Variants in TMEM143 observed in about 807,000 individuals in gnomAD.
TMEM143 encodes transmembrane protein 143.
In TMEM143, 45 loss-of-function variants were observed where a neutral mutation model predicts 40.3. The ratio of observed to expected loss-of-function variants is 1.12; its 90% CI spans 0.88 to 1.43. The LOEUF (loss-of-function observed/expected upper bound fraction) is 1.43, where lower values mean the gene tolerates loss of function less well. Among genes scored for constraint, TMEM143 ranks in the 40% most tolerant of loss-of-function variants. TMEM143 has a pLI of 0.00. For missense variants in TMEM143, 620 were observed against 613.4 expected (o/e 1.01, Z -0.11); for synonymous variants, 299 against 282.7 (o/e 1.06, Z -0.58).
intron 6 of TMEM143, among the ~76,000 whole-genome samples, chr19:48,334,691 C>G (rs12104251): frequency 0.029 from 4,459 of 151,224 alleles, 234 homozygotes; most frequent in African/African-American, 0.1. Context: ...CTCCCGGGCT[C>G]AAGCGATCCT....
At chr19:48,356,124 T>C (rs1248196443) in intron 3 of TMEM143, among the ~76,000 whole-genome samples, 3 of 141,356 alleles carry the variant, frequency 2.1e-5, no homozygotes, top group African/African-American at 5.5e-5. Context: ...TTTTTTTTTC[T>C]TTTTTTTTTT....
chr19:48,353,517 C>G (rs1431473681), intron 3 of TMEM143, among the ~76,000 whole-genome samples: 1 of 151,754 alleles, frequency 6.6e-6, no homozygotes, highest in Non-Finnish European at 1.5e-5. Context: ...TTAACTACAT[C>G]CCATGCAATA....
In TMEM143 at chr19:48,333,388, G is replaced by T; in HGVS notation, c.1211C>A (p.Ala404Asp). 1.9e-6 allele frequency: 3 copies of T among 1,607,972 alleles called. No homozygotes were observed. Among genetic ancestry groups the T allele is most frequent in the Non-Finnish European group, 2.6e-6 (3 of 1,175,934 alleles). ...LRSEVENWLL[A>D]KSGCEVTFNG... Reference sequence around the variant, plus strand: ...GAAGGTCACCTCACAGCCTGACTTGGCTAGGAGCCAGTTCTCCACCTCCGA... The same window carrying T: ...GAAGGTCACCTCACAGCCTGACTTGTCTAGGAGCCAGTTCTCCACCTCCGA... Residue 404 changes from alanine to aspartate, a missense_variant, in exon 8 of 8, where the codon GCC becomes GAC. Physicochemically the swap from Ala to Asp is moderately radical, Grantham distance 126. Transcript: ENST00000293261. The surrounding 1 kb of genome is among the most constrained non-coding windows in gnomAD (Gnocchi z 4.1).
intron 2 of TMEM143, among the ~76,000 whole-genome samples, chr19:48,361,362 C>T (rs536219258): frequency 1.1e-4 from 17 of 151,884 alleles, no homozygotes; most frequent in Admixed American, 7.9e-4. Context: ...GGATTATAGG[C>T]GCCTGCCACC....
rs150767811 is a variant in TMEM143 at position 48,342,668 on chromosome 19, G to C, written c.837C>G (p.Ala279=). Residue 279 remains alanine, a synonymous_variant, in exon 6 of 8, where the codon GCC becomes GCG. Transcript: ENST00000293261. ...LKVRTPTLQR[A]LLNLMLVVSG... is the part of the protein sequence containing the mutation. ...AGACTACCAGCATGAGGTTGAGCAG[G>C]GCGCGCTGCAGGGTGGGCGTGCGCA... 62 of 1,614,002 alleles carry C rather than the reference G, an allele frequency of 3.8e-5. No homozygotes were observed. Among genetic ancestry groups the C allele is most frequent in the South Asian group, 5.5e-5 (5 of 91,094 alleles).
chr19:48,343,496 G>A lies in TMEM143; in HGVS notation c.565-45C>T. 4 of 1,540,328 alleles carry A rather than the reference G, an allele frequency of 2.6e-6. No homozygotes were observed. The Admixed American group carries it at 7.9e-5, about 31-fold the overall frequency. On this transcript the variant is annotated intron_variant, in intron 4 of 7. Transcript: ENST00000293261. ...AGCAGTGGCGGGTGAACATGGGCAGGAGTGTTGAGGGCAGGATACCAGAAT... is the reference window on the plus strand; with the variant it reads ...AGCAGTGGCGGGTGAACATGGGCAGAAGTGTTGAGGGCAGGATACCAGAAT...
At position 48,360,129 on chromosome 19, in the gene TMEM143, C is replaced by T. The variant is rs438767; in HGVS notation, c.312G>A (p.Ser104=). Reference sequence around the variant, plus strand: ...ACAGGGTGCAGAAGTCCACGTGGGCCGAGAACGCCTCCAAAGCCGCCTTCT... The same window carrying T: ...ACAGGGTGCAGAAGTCCACGTGGGCTGAGAACGCCTCCAAAGCCGCCTTCT... ...PAEKAALEAF[S]AHVDFCTLFH... The change falls in exon 3 of 8, where the codon TCG becomes TCA. Residue 104 remains serine, a synonymous_variant. Coordinates refer to ENST00000293261, the MANE Select transcript of TMEM143 (RefSeq NM_018273.4). The T allele has an allele frequency of 0.6, 963,008 of 1,613,670 alleles. 290,502 individuals are homozygous for T. The highest frequency in any genetic ancestry group is 0.68 in the Admixed American group (40,566 of 59,958).
chr19:48,363,677 C>T (rs1600934680), intron 1 of TMEM143, 146 bp from the exon 2 acceptor site: 6 of 1,394,870 alleles, frequency 4.3e-6, no homozygotes, highest in East Asian at 2.5e-5. Context: ...TGTTGCCTGT[C>T]CCCTTCCCAC....
intron 3 of TMEM143, among the ~76,000 whole-genome samples, chr19:48,346,432 C>A (rs2147369822): frequency 6.6e-6 from 1 of 152,276 alleles, no homozygotes; most frequent in Non-Finnish European, 1.5e-5. Flanking sequence ...CTGGCAAGTT[C>A]ACTTGCTAAA....
chr19:48,360,509 C>T (rs538935228), intron 2 of TMEM143: 227 of 269,738 alleles, frequency 8.4e-4, no homozygotes, highest in Non-Finnish European at 1.2e-3. Context: ...ACCAGGGAGG[C>T]GGAGGCTGCA....
intron 3 of TMEM143, among the ~76,000 whole-genome samples, chr19:48,354,294 T>C (rs962581394): frequency 6.9e-6 from 1 of 145,214 alleles, no homozygotes; most frequent in Non-Finnish European, 1.5e-5. Context: ...AGACATAGTC[T>C]TGCTCTGTCA....
intron 6 of TMEM143, among the ~76,000 whole-genome samples, chr19:48,338,264 G>A (rs1473680162): frequency 6.6e-6 from 1 of 152,096 alleles, no homozygotes; most frequent in Non-Finnish European, 1.5e-5. Context: ...ATCCCCGCCT[G>A]CATCACTCCA....
rs113024571 is a variant in TMEM143 at position 48,343,392 on chromosome 19, G to A, written c.624C>T (p.Val208=). 1.8e-5 allele frequency: 29 copies of A among 1,602,264 alleles called. No individual in the cohort carries two copies. Among genetic ancestry groups the A allele is most frequent in the Admixed American group, 3.4e-5 (2 of 58,302 alleles). Residue 208 remains valine, a synonymous_variant, in exon 5 of 8, where the codon GTC becomes GTT. Coordinates refer to ENST00000293261, the MANE Select transcript of TMEM143 (RefSeq NM_018273.4). The stretch of plus-strand genomic sequence containing the variant: ...CGCTGGACTTCAGGGGCATCTGCCC[G>A]ACTCGCTGGCCCAGGGCCCAGAAGT... ...YIHFWALGQR[V]GQMPLKSSVG...
rs776389679 is a variant in TMEM143, at chr19:48,342,680, G to C, written c.825C>G (p.Thr275=). The part of the protein sequence containing the change: ...LLPELKVRTP[T]LQRALLNLML... The stretch of plus-strand genomic sequence containing the variant: ...TGAGGTTGAGCAGGGCGCGCTGCAG[G>C]GTGGGCGTGCGCACCTTCAGCTCCG... The change falls in exon 6 of 8, where the codon ACC becomes ACG. Residue 275 remains threonine, a synonymous_variant. Coordinates refer to ENST00000293261, the MANE Select transcript of TMEM143 (RefSeq NM_018273.4). 2 of 1,614,152 alleles carry C rather than the reference G, an allele frequency of 1.2e-6. No individual in the cohort carries two copies. The highest frequency in any genetic ancestry group is 2.2e-5 in the East Asian group (1 of 44,894).
chr19:48,343,456 CG>C lies in TMEM143; in HGVS notation c.565-6del, dbSNP rs776348165. 1.9e-6 allele frequency: 3 copies of C among 1,571,552 alleles called. No individual in the cohort carries two copies. Among genetic ancestry groups the C allele is most frequent in the South Asian group, 1.2e-5 (1 of 85,738 alleles). ...CTGATCCAAATTTACTGTCACCTGC[CG>C]GGGGGATGAAGGAAGCAGTGGCGGG... On this transcript the variant is annotated splice_region_variant and splice_polypyrimidine_tract_variant and intron_variant, in intron 4 of 7. Coordinates refer to ENST00000293261, the MANE Select transcript of TMEM143 (RefSeq NM_018273.4).
chr19:48,351,883 C>A (rs1353222235), intron 3 of TMEM143, among the ~76,000 whole-genome samples: 2 of 152,058 alleles, frequency 1.3e-5, no homozygotes, highest in Non-Finnish European at 2.9e-5. Flanking sequence ...CCCTTGGTAT[C>A]CATAGGACAT....
chr19:48,363,865 C>A (rs1339391537), intron 1 of TMEM143, 33 bp downstream of exon 1: 1 of 1,613,898 alleles, frequency 6.2e-7, no homozygotes, highest in Non-Finnish European at 8.5e-7. Context: ...GGCCGCCCTC[C>A]CTGGCCATGC....
intron 1 of TMEM143, 98 bp from the exon 2 acceptor site, chr19:48,363,629 G>C (rs746989565): frequency 3.4e-6 from 5 of 1,489,872 alleles, no homozygotes; most frequent in Non-Finnish European, 3.6e-6. Context: ...CTCTACCCCA[G>C]GCAGGGCGCA....
intron 3 of TMEM143, among the ~76,000 whole-genome samples, chr19:48,358,829 C>T (rs1180255505): frequency 1.3e-5 from 2 of 152,216 alleles, no homozygotes; most frequent in Non-Finnish European, 2.9e-5. Context: ...TCACATCTCT[C>T]CTCAGCTCAG....
Sources: allele counts gnomAD v4.1 joint callset (sites outside exome capture counted in the v4.1 genomes callset), GRCh38; gene constraint gnomAD v4.1.1; non-coding constraint Gnocchi (gnomAD v3.1); transcripts MANE v1.5; gene names NCBI Gene and HGNC (gene_info 2026-07-23, HGNC 2026-07-21).